XYLB: variants seen among roughly 807,000 people sequenced by gnomAD.
XYLB encodes xylulose kinase.
XYLB carries 62 observed loss-of-function variants against 78.7 expected under a neutral mutation model. That is an observed-to-expected ratio of 0.79 (90% CI 0.64 to 0.97). XYLB has a LOEUF of 0.97. Ranked by LOEUF, XYLB falls within the 50% of genes least tolerant of loss-of-function variation. The probability of loss-of-function intolerance (pLI) is 0.00; values close to 1 mark genes in which losing one functional copy is unlikely to be tolerated. For missense variants in XYLB, 687 were observed against 676.8 expected (o/e 1.02, Z -0.17); for synonymous variants, 245 against 247.4 (o/e 0.99, Z 0.09).
chr3:38,397,125 G>A lies in XYLB; in HGVS notation c.1404G>A (p.Ser468=), dbSNP rs1858741. The part of the protein sequence containing the change: ...APVYVIDTAN[S]ACVGSAYRAF... The stretch of plus-strand genomic sequence containing the variant: ...TGTATGTTATAGACACTGCCAACTC[G>A]GCCTGTGTGGGTTCTGCATACCGAG... Residue 468 remains serine (S), a synonymous_variant, in exon 17 of 19, where the codon TCG becomes TCA. Transcript: ENST00000207870. 8.1e-6 allele frequency: 13 copies of A among 1,613,984 alleles called. No individual in the cohort carries two copies. Among genetic ancestry groups the A allele is most frequent in the Non-Finnish European group, 1.0e-5 (12 of 1,180,032 alleles).
At chr3:38,425,872 G>T (rs2125699174), downstream of XYLB, among the ~76,000 whole-genome samples, 1 of 152,274 alleles carries the variant, frequency 6.6e-6, no homozygotes, top group South Asian at 2.1e-4. Context: ...TAATCATCAT[G>T]GGACTTGTCA....
chr3:38,350,030 A>G (rs1361893501), intron 2 of XYLB, among the ~76,000 whole-genome samples: 1 of 152,218 alleles, frequency 6.6e-6, no homozygotes, highest in African/African-American at 2.4e-5. Flanking sequence ...TTTTAGGGGC[A>G]GAGGGGGCAC....
intron 3 of XYLB, among the ~76,000 whole-genome samples, chr3:38,360,769 C>G (rs567454164): frequency 3.9e-5 from 6 of 152,362 alleles, no homozygotes; most frequent in Admixed American, 1.3e-4. Flanking sequence ...CATGGTGGCT[C>G]ATGCCTGTAA....
chr3:38,413,320 G>C lies in XYLB; in HGVS notation c.*307G>C. 1 of 287,796 alleles carries C rather than the reference G, an allele frequency of 3.5e-6. No homozygotes were observed. Among genetic ancestry groups the C allele is most frequent in the East Asian group, 6.3e-5 (1 of 15,796 alleles). 17.8% of individuals were successfully genotyped at this position (287,796 alleles called of 1,614,324 possible). ...AATAAAAACTATGACTTTTCCCCTT[G>C]CAGAGGCAGAATTAAAGCTAATCTA... On this transcript the variant is annotated 3_prime_UTR_variant, in exon 19 of 19. Coordinates refer to ENST00000207870, the MANE Select transcript of XYLB (RefSeq NM_005108.4).
Position 38,413,091 on chromosome 3 carries a change from A to G in XYLB, c.*78A>G, listed in dbSNP as rs1708664599. The G allele has an allele frequency of 7.1e-7, 1 of 1,414,332 alleles. No individual in the cohort carries two copies. Among genetic ancestry groups the G allele is most frequent in the East Asian group, 2.5e-5 (1 of 40,722 alleles). The allele number at this position is 1,414,332 out of a possible 1,614,324, so 87.6% of individuals were successfully genotyped here. Reference sequence around the variant, plus strand: ...ACATGGCCCCAGACAGGAGGGATCCACTTCTCTGTTCTGAACAGCTCTTCC... The same window carrying G: ...ACATGGCCCCAGACAGGAGGGATCCGCTTCTCTGTTCTGAACAGCTCTTCC... On this transcript the variant is annotated 3_prime_UTR_variant, in exon 19 of 19. Coordinates refer to ENST00000207870, the MANE Select transcript of XYLB (RefSeq NM_005108.4).
intron 4 of XYLB, among the ~76,000 whole-genome samples, chr3:38,363,600 C>T (rs1271409923): frequency 1.3e-5 from 2 of 152,214 alleles, no homozygotes; most frequent in Non-Finnish European, 2.9e-5. Context: ...CATTTACAGG[C>T]AGTGACCTGG....
chr3:38,438,059 A>C, the XYLB span, among the ~76,000 whole-genome samples: 2 of 151,954 alleles, frequency 1.3e-5, no homozygotes, highest in Non-Finnish European at 2.9e-5. Context: ...TGTCTCAAAA[A>C]AATAAAAAAT....
Position 38,365,594 on chromosome 3 carries a change from G to T in XYLB, c.379-14G>T. 6.2e-7 allele frequency: 1 copy of T among 1,603,770 alleles called. No homozygotes were observed. Among genetic ancestry groups the T allele is most frequent in the Non-Finnish European group, 8.5e-7 (1 of 1,172,880 alleles). ...GGATGGAGCTTAAGCCTGTGCCTTT[G>T]CCCTCCTTCCCAGGACTGTTTCTCC... On this transcript the variant is annotated splice_polypyrimidine_tract_variant and intron_variant, in intron 5 of 18. Transcript: ENST00000207870.
chr3:38,391,234 CAACAAAA>C (rs1473737470), intron 15 of XYLB, among the ~76,000 whole-genome samples: 1 of 8,972 alleles, frequency 1.1e-4, no homozygotes, highest in South Asian at 0.031. Context: ...ACAACAACAA[CAACAAAA>C]AAAAAGAAGA....
chr3:38,415,481 C>A (rs1036180296), downstream of XYLB, among the ~76,000 whole-genome samples: 2 of 152,124 alleles, frequency 1.3e-5, no homozygotes, highest in Admixed American at 1.3e-4. Flanking sequence ...CCTTCTCACA[C>A]TGGTATAAAG....
At chr3:38,419,622 T>C (rs1001263119), downstream of XYLB, among the ~76,000 whole-genome samples, 46 of 88,334 alleles carry the variant, frequency 5.2e-4, 1 homozygote, top group Non-Finnish European at 1.2e-3. Context: ...TCGTTATGGA[T>C]GTGAAGTGAA....
chr3:38,373,708 T>C (rs1336893238), intron 10 of XYLB, among the ~76,000 whole-genome samples: 3 of 152,212 alleles, frequency 2.0e-5, no homozygotes, highest in Admixed American at 1.3e-4. Context: ...ACACTGCTGA[T>C]TGAACCTCAG....
rs59315143 is a variant in XYLB, at chr3:38,390,308, G to T, written c.1292-5197G>T. Among the ~76,000 whole-genome samples, 447 of 152,162 alleles carry T rather than the reference G, an allele frequency of 2.9e-3. 3 individuals carry two copies. Among genetic ancestry groups the T allele is most frequent in the African/African-American group, 0.01 (425 of 41,504 alleles). On this transcript the variant is annotated intron_variant, in intron 15 of 18. Coordinates refer to ENST00000207870, the MANE Select transcript of XYLB (RefSeq NM_005108.4). Reference sequence around the variant, plus strand: ...GGCTCACTGCAACCTCTGCCTCCTGGGTTTAAGCAATTCTCCTACCTCAGC... The same window carrying T: ...GGCTCACTGCAACCTCTGCCTCCTGTGTTTAAGCAATTCTCCTACCTCAGC...
the XYLB span, among the ~76,000 whole-genome samples, chr3:38,434,981 A>G: frequency 6.6e-6 from 1 of 152,130 alleles, no homozygotes; most frequent in Non-Finnish European, 1.5e-5. Context: ...TCATAGCGAA[A>G]CAAAAATTAG....
the XYLB span, among the ~76,000 whole-genome samples, chr3:38,442,056 C>A: frequency 6.6e-6 from 1 of 152,164 alleles, no homozygotes; most frequent in Admixed American, 6.5e-5. Context: ...GGCCATCTCG[C>A]TCTATCTGGG....
At chr3:38,430,691 T>A in the XYLB span, among the ~76,000 whole-genome samples, 1 of 152,264 alleles carries the variant, frequency 6.6e-6, no homozygotes, top group African/African-American at 2.4e-5. Context: ...GTTTTAGGTC[T>A]AACGTTTAAG....
intron 2 of XYLB, among the ~76,000 whole-genome samples, chr3:38,352,616 A>T (rs1484003836): frequency 6.6e-6 from 1 of 152,076 alleles, no homozygotes; most frequent in African/African-American, 2.4e-5. Context: ...AGACCAGCCT[A>T]GGCAATATGG....
At chr3:38,443,731 A>G in the XYLB span, among the ~76,000 whole-genome samples, 1 of 152,122 alleles carries the variant, frequency 6.6e-6, no homozygotes, top group Non-Finnish European at 1.5e-5. Context: ...ATCTTTTAGG[A>G]TAAATTGACC....
In XYLB at chr3:38,400,971, C is replaced by T. The variant is rs1433039440; in HGVS notation, c.1519C>T (p.Pro507Ser). Residue 507 changes from proline to serine, a missense_variant, in exon 18 of 19, where the codon CCG becomes TCG. Coordinates refer to ENST00000207870, the MANE Select transcript of XYLB (RefSeq NM_005108.4). ...TCCCAGACTAGCTGCTACCCCAAGC[C>T]CGGGAGCTTCTCAGGTGAGAGACCA... ...PNPRLAATPS[P>S]GASQVYEALL... is the part of the protein sequence containing the mutation. 1 of 1,614,028 alleles carries T rather than the reference C, an allele frequency of 6.2e-7. No homozygotes were observed. The highest frequency in any genetic ancestry group is 2.2e-5 in the East Asian group (1 of 44,888).
Sources: allele counts gnomAD v4.1 joint callset (sites outside exome capture counted in the v4.1 genomes callset), GRCh38; gene constraint gnomAD v4.1.1; transcripts MANE v1.5; gene names NCBI Gene and HGNC (gene_info 2026-07-23, HGNC 2026-07-21).